CLSTN2: variants seen among roughly 807,000 people sequenced by gnomAD.
CLSTN2 encodes calsyntenin-2.
Under a neutral mutation model 101.2 loss-of-function variants are expected in CLSTN2, and 48 were observed. The observed-to-expected ratio is 0.47, with a 90% CI of 0.38 to 0.60. CLSTN2 has a LOEUF of 0.60. Ranked by LOEUF, CLSTN2 falls within the 20% of genes least tolerant of loss-of-function variation. The pLI is 0.00. For synonymous variants in CLSTN2, 481 were observed against 463.6 expected, an observed-to-expected ratio of 1.04 and a Z score of -0.48; for missense variants, 1,160 against 1,238.2, an observed-to-expected ratio of 0.94 and a Z score of 0.95.
At chr3:140,254,471 A>C (rs1028045074) in intron 2 of CLSTN2, among the ~76,000 whole-genome samples, 1 of 152,196 alleles carries the variant, frequency 6.6e-6, no homozygotes, top group Non-Finnish European at 1.5e-5. Flanking sequence ...CTAGGATTAA[A>C]AATAGCTGAA....
intron 8 of CLSTN2, among the ~76,000 whole-genome samples, chr3:140,511,731 G>A (rs1011648238): frequency 2.7e-5 from 3 of 111,836 alleles, no homozygotes; most frequent in Admixed American, 9.1e-5. Flanking sequence ...TTTTTTTTTT[G>A]TATTTTTAGT....
intron 2 of CLSTN2, among the ~76,000 whole-genome samples, chr3:140,235,955 A>G (rs757555435): frequency 1.3e-4 from 20 of 152,182 alleles, no homozygotes; most frequent in Admixed American, 7.2e-4. Flanking sequence ...ATGGTTTGTC[A>G]TGGATGGTGA....
At chr3:140,512,474 A>G (rs558518868) in intron 8 of CLSTN2, among the ~76,000 whole-genome samples, 10 of 152,176 alleles carry the variant, frequency 6.6e-5, no homozygotes, top group African/African-American at 2.4e-4. Flanking sequence ...CCATTGGTCT[A>G]TGTGTGTTTT....
intron 2 of CLSTN2, among the ~76,000 whole-genome samples, chr3:140,253,070 C>T (rs1389037661): frequency 2.0e-5 from 3 of 152,226 alleles, no homozygotes; most frequent in South Asian, 2.1e-4. Flanking sequence ...TGTGTAAGTT[C>T]GATCACTGGG....
intron 4 of CLSTN2, among the ~76,000 whole-genome samples, chr3:140,414,852 A>G (rs1275314941): frequency 6.6e-6 from 1 of 152,124 alleles, no homozygotes; most frequent in Non-Finnish European, 1.5e-5. Context: ...AGAAGCACAA[A>G]AGACCTCAAA....
intron 1 of CLSTN2, among the ~76,000 whole-genome samples, chr3:140,167,448 C>T (rs1241425999): frequency 6.6e-6 from 1 of 152,160 alleles, no homozygotes; most frequent in African/African-American, 2.4e-5. Context: ...TAGCACTCTG[C>T]TCTTCCTCTT....
intron 1 of CLSTN2, among the ~76,000 whole-genome samples, chr3:140,141,163 A>G (rs2009691697): frequency 1.3e-5 from 2 of 152,234 alleles, no homozygotes; most frequent in Admixed American, 1.3e-4. Flanking sequence ...TGCCTCAGTC[A>G]TGGTTTTTGT....
At chr3:140,038,706 G>C (rs917652576) in intron 1 of CLSTN2, among the ~76,000 whole-genome samples, 2 of 152,050 alleles carry the variant, frequency 1.3e-5, no homozygotes, top group Non-Finnish European at 2.9e-5. Context: ...TTTAGTCATG[G>C]TTAAATTTTA....
In CLSTN2 at chr3:140,445,140, C is replaced by T. The variant is rs186555059; in HGVS notation, c.788-3379C>T. Among the ~76,000 whole-genome samples, 7 of 152,334 alleles carry T rather than the reference C, an allele frequency of 4.6e-5. No homozygotes were observed. The East Asian group carries it at 1.2e-3, about 25-fold the overall frequency. On this transcript the variant is annotated intron_variant, in intron 5 of 16. Coordinates refer to ENST00000458420, the MANE Select transcript of CLSTN2 (RefSeq NM_022131.3). ...ACTGGCAATTGTGATGTTCCTAAAA[C>T]TCTTTTATACCTGATTTCTCCCTGG...
intron 8 of CLSTN2, among the ~76,000 whole-genome samples, chr3:140,526,009 A>C (rs997229353): frequency 6.6e-6 from 1 of 152,164 alleles, no homozygotes; most frequent in African/African-American, 2.4e-5. Context: ...CCCCTTGAGA[A>C]CTAGAACAAG....
At chr3:140,260,644 A>G (rs2107882613) in intron 2 of CLSTN2, among the ~76,000 whole-genome samples, 1 of 152,318 alleles carries the variant, frequency 6.6e-6, no homozygotes, top group South Asian at 2.1e-4. Context: ...AGTATGATGC[A>G]TTAATTACAA....
chr3:140,545,754 A>G (rs143434348), intron 9 of CLSTN2, among the ~76,000 whole-genome samples: 3 of 152,300 alleles, frequency 2.0e-5, no homozygotes, highest in Non-Finnish European at 4.4e-5. Flanking sequence ...GCACATGGGT[A>G]AAAGTGGACC....
In CLSTN2 at chr3:140,483,261, G is replaced by A. The variant is rs139020816; in HGVS notation, c.1344+16530G>A. Among the ~76,000 whole-genome samples, 679 of 152,250 alleles carry A rather than the reference G, an allele frequency of 4.5e-3. 5 individuals are homozygous for A. The highest frequency in any genetic ancestry group is 0.015 in the African/African-American group (634 of 41,540). On this transcript the variant is annotated intron_variant, in intron 8 of 16. Coordinates refer to ENST00000458420, the MANE Select transcript of CLSTN2 (RefSeq NM_022131.3). ...CATGTAGTTGAGCGGTTTTGAGTGCGTTTCTTAATCCTGAGTTCTAGTTTG... is the reference window on the plus strand; with the variant it reads ...CATGTAGTTGAGCGGTTTTGAGTGCATTTCTTAATCCTGAGTTCTAGTTTG...
intron 2 of CLSTN2, among the ~76,000 whole-genome samples, chr3:140,402,521 C>A (rs1353198568): frequency 6.6e-6 from 1 of 152,196 alleles, no homozygotes; most frequent in Non-Finnish European, 1.5e-5. Flanking sequence ...AGCAAGCATG[C>A]AATCATCTCA....
At chr3:140,003,986 G>A (rs540833712) in intron 1 of CLSTN2, among the ~76,000 whole-genome samples, 13 of 151,846 alleles carry the variant, frequency 8.6e-5, no homozygotes, top group Non-Finnish European at 1.6e-4. Context: ...TAATTTTTTT[G>A]TATGCTCGTC....
intron 1 of CLSTN2, among the ~76,000 whole-genome samples, chr3:139,958,949 C>G (rs1935455040): frequency 6.6e-6 from 1 of 151,162 alleles, no homozygotes. Context: ...TGTTACTTAG[C>G]TCTGTAAGGT....
intron 2 of CLSTN2, among the ~76,000 whole-genome samples, chr3:140,211,014 A>G (rs758803397): frequency 2.0e-5 from 3 of 152,138 alleles, no homozygotes; most frequent in Non-Finnish European, 4.4e-5. Context: ...ATATGATTTT[A>G]AAGAAAGATT....
chr3:140,410,774 A>G (rs1163684409), intron 4 of CLSTN2, among the ~76,000 whole-genome samples: 1 of 152,244 alleles, frequency 6.6e-6, no homozygotes, highest in Non-Finnish European at 1.5e-5. Flanking sequence ...TACAATATAA[A>G]AACATAAATT....
In CLSTN2 at chr3:140,144,688, C is replaced by A. The variant is rs190539705; in HGVS notation, c.110-31263C>A. ...AATATTGCTTTCAGGGCCCATAAAA[C>A]CAAAAGAGCAGATTAGGCTCAAAGT... On this transcript the variant is annotated intron_variant, in intron 1 of 16. Coordinates refer to ENST00000458420, the MANE Select transcript of CLSTN2 (RefSeq NM_022131.3). 2.2e-4 allele frequency among the ~76,000 whole-genome samples: 34 copies of A among 152,178 alleles called. No homozygotes were observed. In the East Asian group the frequency reaches 5.6e-3, roughly 25 times the overall value.
Sources: allele counts gnomAD v4.1 joint callset (sites outside exome capture counted in the v4.1 genomes callset), GRCh38; gene constraint gnomAD v4.1.1; transcripts MANE v1.5; gene names NCBI Gene and HGNC (gene_info 2026-07-23, HGNC 2026-07-21).